The following MLF1 variants were observed in gnomAD, a reference collection of about 807,000 sequenced individuals.
The protein encoded by MLF1 is myelodysplasia-myeloid leukemia factor 1.
Under a neutral mutation model 38.3 loss-of-function variants are expected in MLF1, and 37 were observed. That is an observed-to-expected ratio of 0.96 (90% CI 0.74 to 1.27). The LOEUF is 1.27. MLF1 is among the 50% of genes most tolerant of loss of function. The pLI, the probability that MLF1 is intolerant of heterozygous loss-of-function variation, is 0.00. For synonymous variants in MLF1, 95 were observed against 106.5 expected (o/e 0.89, Z 0.66); for missense variants, 331 against 349.2 (o/e 0.95, Z 0.42).
intron 1 of MLF1, among the ~76,000 whole-genome samples, chr3:158,577,071 A>G (rs1397163391): frequency 1.3e-5 from 2 of 152,166 alleles, no homozygotes; most frequent in African/African-American, 4.8e-5. Flanking sequence ...TGGTTAAAGT[A>G]CTGCATATAT....
chr3:158,595,270 A>C (rs546513185), intron 3 of MLF1, among the ~76,000 whole-genome samples: 1 of 152,254 alleles, frequency 6.6e-6, no homozygotes, highest in African/African-American at 2.4e-5. Context: ...AACTAGGTTT[A>C]AAGTCAGGAG....
chr3:158,605,257 G>A lies in MLF1; in HGVS notation c.*55G>A. On this transcript the variant is annotated 3_prime_UTR_variant, in exon 8 of 8. Coordinates refer to ENST00000466246, the MANE Select transcript of MLF1 (RefSeq NM_001369783.1). ...GATTGTTTTAACAGTTAGTAATGGT[G>A]CTGGGTAATAAGCATAAGACCAATC... 2 of 1,387,760 alleles carry A rather than the reference G, an allele frequency of 1.4e-6. No individual in the cohort carries two copies. Among genetic ancestry groups the A allele is most frequent in the Non-Finnish European group, 2.0e-6 (2 of 992,710 alleles). 86.0% of individuals were successfully genotyped at this position (1,387,760 alleles called of 1,614,324 possible).
intron 4 of MLF1, among the ~76,000 whole-genome samples, chr3:158,597,275 T>A (rs1387229069): frequency 1.3e-5 from 2 of 149,598 alleles, no homozygotes; most frequent in African/African-American, 5.1e-5. Flanking sequence ...GGAAAAAAAA[T>A]AACCTCAAAA....
intron 1 of MLF1, among the ~76,000 whole-genome samples, chr3:158,585,840 G>A (rs1170583121): frequency 1.3e-5 from 2 of 152,166 alleles, no homozygotes; most frequent in African/African-American, 4.8e-5. Context: ...TTAATGAAAA[G>A]CTGAAATGTT....
At chr3:158,598,720 G>A (rs536340155) in intron 5 of MLF1, among the ~76,000 whole-genome samples, 5 of 152,042 alleles carry the variant, frequency 3.3e-5, no homozygotes, top group African/African-American at 1.2e-4. Context: ...CTTTTTAAGC[G>A]AAAATGTACA....
chr3:158,596,400 G>A (rs1718886027), intron 3 of MLF1, among the ~76,000 whole-genome samples: 1 of 152,106 alleles, frequency 6.6e-6, no homozygotes, highest in Admixed American at 6.6e-5. Context: ...GACAACTTCT[G>A]TCAGCCATGT....
chr3:158,571,230 T>G lies in MLF1; in HGVS notation c.-71T>G, dbSNP rs1403068189. 17 of 1,307,388 alleles carry G rather than the reference T, an allele frequency of 1.3e-5. No individual in the cohort carries two copies. In the East Asian group the frequency reaches 2.1e-4, roughly 16 times the overall value. 81.0% of individuals were successfully genotyped at this position (1,307,388 alleles called of 1,614,324 possible). A position where few individuals can be genotyped will look rare whatever the true frequency, so the allele number is the denominator to read the frequency against. ...CGTCCGTACTGGAGGCTAGCTCTTG[T>G]CGCGGCCGCGGCGAGTTAACATCGT... On this transcript the variant is annotated 5_prime_UTR_variant, in exon 1 of 8. Transcript: ENST00000466246.
intron 1 of MLF1, among the ~76,000 whole-genome samples, chr3:158,574,891 C>T (rs955370697): frequency 1.4e-4 from 22 of 152,020 alleles, no homozygotes; most frequent in African/African-American, 5.1e-4. Flanking sequence ...AGACAATTTT[C>T]GAGTTGTATT....
intron 4 of MLF1, among the ~76,000 whole-genome samples, chr3:158,597,794 A>G (rs999467271): frequency 3.3e-5 from 5 of 152,174 alleles, no homozygotes; most frequent in African/African-American, 1.2e-4. Context: ...GCACCCAAAG[A>G]CTTAAGGATC....
At chr3:158,589,092 C>T (rs1208804676) in intron 1 of MLF1, among the ~76,000 whole-genome samples, 2 of 152,082 alleles carry the variant, frequency 1.3e-5, no homozygotes, top group East Asian at 3.9e-4. Context: ...GTGAGCAGAG[C>T]CTTTAATTAA....
intron 3 of MLF1, among the ~76,000 whole-genome samples, chr3:158,596,386 G>C (rs1290907594): frequency 6.6e-6 from 1 of 152,060 alleles, no homozygotes; most frequent in Admixed American, 6.6e-5. Flanking sequence ...CTACTTACTC[G>C]AGGGACAACT....
In MLF1 at chr3:158,598,161, C is replaced by T; in HGVS notation, c.406C>T (p.Pro136Ser). 1 of 1,613,778 alleles carries T rather than the reference C, an allele frequency of 6.2e-7. No homozygotes were observed. Among genetic ancestry groups the T allele is most frequent in the Non-Finnish European group, 8.5e-7 (1 of 1,179,874 alleles). Residue 136 changes from proline (P) to serine (S), a missense_variant, in exon 5 of 8, where the codon CCA becomes TCA. Physicochemically the swap from Pro to Ser is moderately conservative, Grantham distance 74. Coordinates refer to ENST00000466246, the MANE Select transcript of MLF1 (RefSeq NM_001369783.1). ...TTATTCCAAAATAGGAGATGAACCG[C>T]CAAAGGTTTTTCAGGCCTCAACTCA... ...MTYSKIGDEP[P>S]KVFQASTQTR...
At chr3:158,589,916 G>T (rs1381233414) in intron 1 of MLF1, among the ~76,000 whole-genome samples, 1 of 152,164 alleles carries the variant, frequency 6.6e-6, no homozygotes, top group Non-Finnish European at 1.5e-5. Context: ...AGCATCTTCT[G>T]ATTATGACAC....
intron 1 of MLF1, among the ~76,000 whole-genome samples, chr3:158,580,931 G>C (rs929672069): frequency 2.6e-5 from 4 of 152,116 alleles, no homozygotes; most frequent in African/African-American, 9.7e-5. Flanking sequence ...CCAGCTGACA[G>C]AATGAAACTC....
chr3:158,577,062 G>T (rs895034588), intron 1 of MLF1, among the ~76,000 whole-genome samples: 2 of 151,906 alleles, frequency 1.3e-5, no homozygotes, highest in African/African-American at 4.8e-5. Flanking sequence ...ACCAGTATTT[G>T]GTTAAAGTAC....
At chr3:158,572,393 G>A (rs1271213471) in intron 1 of MLF1, among the ~76,000 whole-genome samples, 1 of 142,768 alleles carries the variant, frequency 7.0e-6, no homozygotes, top group Non-Finnish European at 1.5e-5. Flanking sequence ...TGCAGGGGAG[G>A]ATTGAGGGCA....
chr3:158,586,988 C>T (rs889299576), intron 1 of MLF1, among the ~76,000 whole-genome samples: 3 of 152,084 alleles, frequency 2.0e-5, no homozygotes, highest in East Asian at 1.9e-4. Context: ...TACCTGGAAC[C>T]GTGCCTTTTA....
At chr3:158,604,699 G>T (rs1464183098) in intron 7 of MLF1, among the ~76,000 whole-genome samples, 2 of 151,696 alleles carry the variant, frequency 1.3e-5, no homozygotes, top group Non-Finnish European at 2.9e-5. Flanking sequence ...TGGCTCTGTC[G>T]CCAGGCTGGA....
intron 1 of MLF1, chr3:158,582,820 C>A (rs538067119): frequency 4.5e-6 from 3 of 666,220 alleles, no homozygotes; most frequent in Admixed American, 2.4e-5. Context: ...TGACAGTAGA[C>A]CTGCCTTGCA....
Sources: gnomAD v4.1 joint callset for allele counts (sites outside exome capture counted in the v4.1 genomes callset) on GRCh38, gnomAD v4.1.1 for gene constraint, MANE v1.5 for transcripts, NCBI Gene and HGNC (gene_info 2026-07-23, HGNC 2026-07-21) for gene names.